Variants in HLA-DRB5 observed in about 807,000 individuals in gnomAD.
HLA-DRB5 encodes the protein major histocompatibility complex, class II, DR beta 5, also known as DR beta-5.
Under a neutral mutation model 22.4 loss-of-function variants are expected in HLA-DRB5, and 11 were observed. That is an observed-to-expected ratio of 0.49 (90% CI 0.31 to 0.81). HLA-DRB5 has a LOEUF of 0.81. HLA-DRB5 is among the 40% of genes least tolerant of loss of function. The probability of loss-of-function intolerance (pLI) is 0.05; values close to 1 mark genes in which losing one functional copy is unlikely to be tolerated. For missense variants in HLA-DRB5, 106 were observed against 274.4 expected (o/e 0.39, Z 4.34); for synonymous variants, 57 against 106.0 (o/e 0.54, Z 2.84).
chr6:32,526,011 C>T (rs1227201207), intron 1 of HLA-DRB5, among the ~76,000 whole-genome samples: 1 of 67,898 alleles, frequency 1.5e-5, no homozygotes, highest in Non-Finnish European at 3.0e-5. Flanking sequence ...TTCACAGGTC[C>T]TCCTGCTTCT....
chr6:32,523,434 A>C (rs138493050), intron 1 of HLA-DRB5, among the ~76,000 whole-genome samples: 3,494 of 42,688 alleles, frequency 0.082, 785 homozygotes, highest in East Asian at 0.12. Flanking sequence ...AAATGACAAA[A>C]ATAACTGAAA....
chr6:32,521,400 A>G (rs1008140870), intron 2 of HLA-DRB5, among the ~76,000 whole-genome samples: 3,920 of 92,076 alleles, frequency 0.043, 284 homozygotes, highest in East Asian at 0.19. Flanking sequence ...GCAAACAAAC[A>G]CCACACACTT....
At chr6:32,528,454 T>G (rs1402410659) in intron 1 of HLA-DRB5, among the ~76,000 whole-genome samples, 1 of 57,584 alleles carries the variant, frequency 1.7e-5, no homozygotes, top group Admixed American at 2.2e-4. Flanking sequence ...ACCATGGTTC[T>G]GGGAACTGAT....
Position 32,521,885 on chromosome 6 carries a change from C to G in HLA-DRB5, c.370+20G>C. 2 of 1,338,004 alleles carry G rather than the reference C, an allele frequency of 1.5e-6. No homozygotes were observed. Among genetic ancestry groups the G allele is most frequent in the South Asian group, 2.5e-5 (2 of 79,374 alleles). The allele number at this position is 1,338,004 out of a possible 1,614,324, so 82.9% of individuals were successfully genotyped here. ...TTCCCAGCTCACAAGGACCCAGGCC[C>G]CGCCCCCCACCATGCTCACCTCGCC... On this transcript the variant is annotated intron_variant, in intron 2 of 5. Transcript: ENST00000374975.
At chr6:32,519,144 CAA>C (rs1768485016) in intron 3 of HLA-DRB5, among the ~76,000 whole-genome samples, 1 of 92,826 alleles carries the variant, frequency 1.1e-5, no homozygotes, top group Non-Finnish European at 2.2e-5. Context: ...TGGGGAGGTT[CAA>C]AACAGGGACA....
rs140580884 is a variant in HLA-DRB5 at position 32,522,067 on chromosome 6, C to T, written c.208G>A (p.Asp70Asn). Reference protein sequence around the residue: ...IYNQEEDLRFDSDVGEYRAVT... With the variant: ...IYNQEEDLRFNSDVGEYRAVT... ...GCCCGGTACTCCCCCACGTCGCTGT[C>T]GAAGCGCAAGTCCTCCTCTTGGTTA... is the stretch of plus-strand genomic sequence containing the variant. Residue 70 changes from aspartate to asparagine, a missense_variant, in exon 2 of 6, where the codon GAC (aspartate) becomes AAC (asparagine). Physicochemically the swap from Asp to Asn is conservative, Grantham distance 23. Coordinates refer to ENST00000374975, the MANE Select transcript of HLA-DRB5 (RefSeq NM_002125.4). 0.035 allele frequency: 41,547 copies of T among 1,186,976 alleles called. 25 individuals carry two copies. The highest frequency in any genetic ancestry group is 0.06 in the Admixed American group (2,458 of 40,714). 73.5% of individuals were successfully genotyped at this position (1,186,976 alleles called of 1,614,324 possible).
chr6:32,521,691 A>C (rs142399500), intron 2 of HLA-DRB5, among the ~76,000 whole-genome samples: 1,246 of 13,616 alleles, frequency 0.092, 303 homozygotes, highest in Middle Eastern at 0.25. Flanking sequence ...AAAGGCCACA[A>C]AGACAAATCC....
At chr6:32,520,611 G>A (rs187060762) in intron 2 of HLA-DRB5, among the ~76,000 whole-genome samples, 10 of 90,256 alleles carry the variant, frequency 1.1e-4, no homozygotes, top group South Asian at 3.4e-4. Context: ...CAGGGTCTGG[G>A]ACTCATTACT....
intron 1 of HLA-DRB5, among the ~76,000 whole-genome samples, chr6:32,524,644 T>G (rs76816118): frequency 9.4e-6 from 1 of 106,038 alleles, no homozygotes; most frequent in East Asian, 2.6e-4. Flanking sequence ...GGCAGAGAGG[T>G]GTGCACCCTG....
intron 1 of HLA-DRB5, among the ~76,000 whole-genome samples, chr6:32,529,214 CTGT>C (rs1770021747): frequency 7.9e-6 from 1 of 126,900 alleles, no homozygotes; most frequent in Non-Finnish European, 1.7e-5. Context: ...CACATTCTCT[CTGT>C]AACCCCACAC....
rs1247804726 is a variant in HLA-DRB5 at position 32,519,413 on chromosome 6, T to C, written c.609A>G (p.Gln203=). The C allele has an allele frequency of 7.6e-6, 10 of 1,316,278 alleles. No individual in the cohort carries two copies. Among genetic ancestry groups the C allele is most frequent in the Non-Finnish European group, 1.0e-5 (10 of 985,212 alleles). 81.5% of individuals were successfully genotyped at this position (1,316,278 alleles called of 1,614,324 possible). ...GGCTCGTCACGCTTGGGTGCTCCAC[T>C]TGGCAGGTGTAAACCTCTCCACTTC... ...VPRSGEVYTC[Q]VEHPSVTSPL... Residue 203 remains glutamine, a synonymous_variant, in exon 3 of 6, where the codon CAA becomes CAG. Coordinates refer to ENST00000374975, the MANE Select transcript of HLA-DRB5 (RefSeq NM_002125.4).
intron 1 of HLA-DRB5, among the ~76,000 whole-genome samples, chr6:32,529,762 GAAA>G (rs1190141743): frequency 0.091 from 8,157 of 89,546 alleles, no homozygotes; most frequent in East Asian, 0.15. Context: ...AAAATTTTCA[GAAA>G]AAAACTCGTT....
intron 3 of HLA-DRB5, among the ~76,000 whole-genome samples, 189 bp from the exon 4 acceptor site, chr6:32,518,855 T>C (rs147404658): frequency 0.34 from 14,026 of 41,352 alleles, 4,665 homozygotes; most frequent in Middle Eastern, 0.59. Context: ...AGGGATCAAA[T>C]TCATTCTAAT....
At chr6:32,522,286 G>T (rs1562435962) in intron 1 of HLA-DRB5, 112 bp from the exon 2 acceptor site, 1 of 266,186 alleles carries the variant, frequency 3.8e-6, no homozygotes, top group Non-Finnish European at 5.9e-6. Flanking sequence ...AACCTTAACT[G>T]ATCCCAACCA....
intron 2 of HLA-DRB5, among the ~76,000 whole-genome samples, chr6:32,520,401 G>A (rs141174036): frequency 0.61 from 30,418 of 50,060 alleles, 12,708 homozygotes; most frequent in Middle Eastern, 0.75. Context: ...GACAGAAATG[G>A]TTCTCCAATC....
intron 2 of HLA-DRB5, among the ~76,000 whole-genome samples, 193 bp from the exon 3 acceptor site, chr6:32,519,844 A>ATGT (rs112850300): frequency 0.16 from 11,533 of 70,210 alleles, 1,078 homozygotes; most frequent in East Asian, 0.21. Context: ...GATTTGAGAG[A>ATGT]TGTGAAAAAT....
intron 1 of HLA-DRB5, among the ~76,000 whole-genome samples, chr6:32,524,716 T>A (rs80237386): frequency 0.72 from 72,056 of 99,896 alleles, 31,068 homozygotes; most frequent in Admixed American, 0.78. Flanking sequence ...ACAGACAGAA[T>A]GTTAAAAAAT....
At position 32,530,156 on chromosome 6, in the gene HLA-DRB5, G is replaced by A; in HGVS notation, c.69C>T (p.Ser23=). 1 of 1,554,464 alleles carries A rather than the reference G, an allele frequency of 6.4e-7. No individual in the cohort carries two copies. Among genetic ancestry groups the A allele is most frequent in the Non-Finnish European group, 8.8e-7 (1 of 1,132,694 alleles). The part of the protein sequence containing the change: ...AKLTVTLMVL[S]SPLALAGDTR... ...TGTCCCCAGCCAAAGCCAGTGGGGA[G>A]CTCAGCACCATCAGTGTCACTGTCA... The change falls in exon 1 of 6, where the codon AGC becomes AGT. Residue 23 remains serine, a synonymous_variant. Coordinates refer to ENST00000374975, the MANE Select transcript of HLA-DRB5 (RefSeq NM_002125.4).
At chr6:32,524,626 G>T (rs796517124) in intron 1 of HLA-DRB5, among the ~76,000 whole-genome samples, 407 of 125,176 alleles carry the variant, frequency 3.3e-3, no homozygotes, top group East Asian at 0.023. Flanking sequence ...TTGCCCTTTA[G>T]AAATGATGGC....
Sources: allele counts gnomAD v4.1 joint callset (sites outside exome capture counted in the v4.1 genomes callset), GRCh38; gene constraint gnomAD v4.1.1; transcripts MANE v1.5; gene names NCBI Gene and HGNC (gene_info 2026-07-23, HGNC 2026-07-21).